The following NBAS variants were observed in gnomAD, a reference collection of about 807,000 sequenced individuals.
The protein encoded by NBAS is NBAS subunit of NRZ tethering complex, also known as NAG/BC035112 fusion.
NBAS carries 219 observed loss-of-function variants against 302.5 expected under a neutral mutation model. That is an observed-to-expected ratio of 0.72 (90% CI 0.65 to 0.81). NBAS has a LOEUF of 0.81. NBAS is among the 30% of genes least tolerant of loss of function. NBAS has a pLI of 0.00. For synonymous variants in NBAS, 1,118 were observed against 1,021.6 expected (o/e 1.09, Z -1.80); for missense variants, 2,932 against 2,841.6 (o/e 1.03, Z -0.72).
At chr2:15,030,476 A>T in the NBAS span, among the ~76,000 whole-genome samples, 1 of 152,238 alleles carries the variant, frequency 6.6e-6, no homozygotes, top group South Asian at 2.1e-4. Flanking sequence ...CCCAGGCACA[A>T]GAGTTTCTTT....
intron 44 of NBAS, among the ~76,000 whole-genome samples, chr2:15,267,785 T>C (rs2148033365): frequency 6.6e-6 from 1 of 152,288 alleles, no homozygotes; most frequent in African/African-American, 2.4e-5. Flanking sequence ...CTTTAAAGTG[T>C]TATATCTTGA....
chr2:15,095,918 T>C, the NBAS span, among the ~76,000 whole-genome samples: 2 of 152,178 alleles, frequency 1.3e-5, no homozygotes, highest in Non-Finnish European at 2.9e-5. Context: ...GAGACACTCA[T>C]GGGGCTGCTC....
chr2:15,447,124 T>G, intron 21 of NBAS, among the ~76,000 whole-genome samples: 1 of 152,202 alleles, frequency 6.6e-6, no homozygotes, highest in South Asian at 2.1e-4. Context: ...GGGACAGTAG[T>G]AAACAAATAC....
rs747177245 is a variant in NBAS at position 15,427,716 on chromosome 2, A to G, written c.2418T>C (p.Ala806=). The change falls in exon 22 of 52, where the codon GCT becomes GCC. Residue 806 remains alanine, a synonymous_variant. Coordinates refer to ENST00000281513, the MANE Select transcript of NBAS (RefSeq NM_015909.4). The part of the protein sequence containing the change: ...HRAKDWCEEL[A]CRMVVEPNLQ... ...TCCTGCAGGCTCATACTGACCTGCA[A>G]GCCAACTCCTCGCACCAATCTTTAG... 2 of 1,611,024 alleles carry G rather than the reference A, an allele frequency of 1.2e-6. No homozygotes were observed. Among genetic ancestry groups the G allele is most frequent in the Non-Finnish European group, 1.7e-6 (2 of 1,178,144 alleles).
chr2:15,219,317 TTTTC>T (rs1350594928), intron 47 of NBAS, among the ~76,000 whole-genome samples: 6 of 147,738 alleles, frequency 4.1e-5, no homozygotes, highest in African/African-American at 7.7e-5. Context: ...TTTTTTTTTC[TTTTC>T]TTTTTTTTTA....
chr2:15,030,950 T>C, the NBAS span, among the ~76,000 whole-genome samples: 13,320 of 152,282 alleles, frequency 0.087, 813 homozygotes, highest in East Asian at 0.21. Context: ...CCATGTGTGA[T>C]GTCAGGGTCC....
At chr2:15,342,965 G>A (rs1672923615) in intron 35 of NBAS, among the ~76,000 whole-genome samples, 1 of 148,548 alleles carries the variant, frequency 6.7e-6, no homozygotes, top group Non-Finnish European at 1.5e-5. Context: ...TCTAAATACT[G>A]AGCACAGAAA....
At chr2:15,199,467 T>C (rs895511996) in intron 48 of NBAS, among the ~76,000 whole-genome samples, 1 of 152,176 alleles carries the variant, frequency 6.6e-6, no homozygotes, top group African/African-American at 2.4e-5. Context: ...TAAATATATT[T>C]CATAAAGTAT....
the NBAS span, among the ~76,000 whole-genome samples, chr2:14,837,402 C>A: frequency 6.6e-6 from 1 of 151,658 alleles, no homozygotes; most frequent in African/African-American, 2.4e-5. Flanking sequence ...TTAGTAATAC[C>A]CTTGTCTGAT....
At chr2:15,237,521 A>AT (rs1050751365) in intron 45 of NBAS, among the ~76,000 whole-genome samples, 5 of 151,218 alleles carry the variant, frequency 3.3e-5, no homozygotes, top group South Asian at 2.1e-4. Context: ...GCTATTTCTG[A>AT]TTTTTTTTCT....
intron 40 of NBAS, among the ~76,000 whole-genome samples, chr2:15,297,093 G>A (rs1670583562): frequency 6.6e-6 from 1 of 152,168 alleles, no homozygotes. Flanking sequence ...GCTAAAACAT[G>A]TACTGAGTCT....
At chr2:15,209,299 A>G (rs1471562944) in intron 48 of NBAS, among the ~76,000 whole-genome samples, 1 of 152,174 alleles carries the variant, frequency 6.6e-6, no homozygotes, top group African/African-American at 2.4e-5. Context: ...GACAGAAGCC[A>G]TAAGTCTCCC....
intron 11 of NBAS, among the ~76,000 whole-genome samples, chr2:15,499,669 C>T (rs1209686309): frequency 6.6e-6 from 1 of 151,958 alleles, no homozygotes; most frequent in African/African-American, 2.4e-5. Flanking sequence ...GGGACTAGGC[C>T]TAATATATGG....
chr2:15,253,711 C>A (rs1200855995), intron 44 of NBAS, among the ~76,000 whole-genome samples: 2 of 152,224 alleles, frequency 1.3e-5, no homozygotes, highest in African/African-American at 2.4e-5. Context: ...GTCTGACACT[C>A]TTCCTGAGTC....
chr2:15,415,636 C>T lies in NBAS; in HGVS notation c.2847G>A (p.Val949=). The T allele has an allele frequency of 3.7e-6, 6 of 1,614,066 alleles. No individual in the cohort carries two copies. Among genetic ancestry groups the T allele is most frequent in the South Asian group, 1.1e-5 (1 of 91,066 alleles). The stretch of plus-strand genomic sequence containing the variant: ...AATATTCTTTTAATAGCTCATTAGC[C>T]ACACCAGGCGACTGTTTCTCACAAC... ...LHRCEKQSPG[V]ANELLKEYLV... Residue 949 remains valine (V), a synonymous_variant, in exon 25 of 52, where the codon GTG becomes GTA. Coordinates refer to ENST00000281513, the MANE Select transcript of NBAS (RefSeq NM_015909.4).
At chr2:15,145,669 C>T in the NBAS span, among the ~76,000 whole-genome samples, 1 of 152,050 alleles carries the variant, frequency 6.6e-6, no homozygotes, top group African/African-American at 2.4e-5. Flanking sequence ...CTTACTGCAG[C>T]TCCCACTCCT....
intron 21 of NBAS, among the ~76,000 whole-genome samples, chr2:15,433,844 C>G (rs906779842): frequency 1.3e-5 from 2 of 152,052 alleles, no homozygotes; most frequent in African/African-American, 4.8e-5. Flanking sequence ...CACCTATAAT[C>G]CCAGCATTTT....
At chr2:15,505,783 T>C (rs1319154540) in intron 10 of NBAS, among the ~76,000 whole-genome samples, 1 of 151,970 alleles carries the variant, frequency 6.6e-6, no homozygotes, top group Admixed American at 6.6e-5. Context: ...AAAAGAAAAC[T>C]TTAACATAGC....
intron 47 of NBAS, among the ~76,000 whole-genome samples, chr2:15,228,501 G>C (rs930870521): frequency 6.6e-6 from 1 of 152,082 alleles, no homozygotes; most frequent in African/African-American, 2.4e-5. Flanking sequence ...ACATCCAAAG[G>C]GAATAACATC....
Sources: gnomAD v4.1 joint callset for allele counts (sites outside exome capture counted in the v4.1 genomes callset) on GRCh38, gnomAD v4.1.1 for gene constraint, MANE v1.5 for transcripts, NCBI Gene and HGNC (gene_info 2026-07-23, HGNC 2026-07-21) for gene names.